The following SNTG1 variants were observed in gnomAD, a reference collection of about 807,000 sequenced individuals.
SNTG1 encodes the protein syntrophin gamma 1.
A neutral mutation model predicts 74.7 loss-of-function variants in SNTG1; 39 were observed. That is an observed-to-expected ratio of 0.52 (90% confidence interval 0.40 to 0.68). The LOEUF (loss-of-function observed/expected upper bound fraction) is 0.68. Among genes scored for constraint, SNTG1 ranks in the 30% least tolerant of loss-of-function variants. SNTG1 has a pLI of 0.00. For missense variants in SNTG1, 685 were observed against 609.5 expected (o/e 1.12, Z -1.30); for synonymous variants, 254 against 217.1 (o/e 1.17, Z -1.49).
chr8:50,724,181 T>G (rs2095494549), intron 17 of SNTG1, among the ~76,000 whole-genome samples: 1 of 152,324 alleles, frequency 6.6e-6, no homozygotes, highest in Admixed American at 6.5e-5. Flanking sequence ...TTTTTATATT[T>G]GATATCAGAA....
chr8:50,444,949 T>C (rs1013754862), intron 5 of SNTG1, among the ~76,000 whole-genome samples: 1 of 152,164 alleles, frequency 6.6e-6, no homozygotes, highest in Non-Finnish European at 1.5e-5. Context: ...TACAATTAAA[T>C]TGTTTTTAGT....
intron 15 of SNTG1, among the ~76,000 whole-genome samples, chr8:50,683,603 A>G (rs1222711142): frequency 1.3e-5 from 2 of 152,202 alleles, no homozygotes; most frequent in African/African-American, 4.8e-5. Flanking sequence ...CAAGATACTA[A>G]TACAGTATAC....
At chr8:50,663,259 C>G (rs529915130) in intron 15 of SNTG1, among the ~76,000 whole-genome samples, 1 of 152,060 alleles carries the variant, frequency 6.6e-6, no homozygotes, top group Non-Finnish European at 1.5e-5. Flanking sequence ...TTGGATGGAA[C>G]AGATCATAGG....
intron 1 of SNTG1, among the ~76,000 whole-genome samples, chr8:50,109,204 C>T (rs529231932): frequency 6.6e-6 from 1 of 152,262 alleles, no homozygotes; most frequent in East Asian, 1.9e-4. Context: ...CTCCCTTGAA[C>T]TTTGACTATC....
At chr8:50,380,564 C>T (rs2092463543) in intron 2 of SNTG1, among the ~76,000 whole-genome samples, 1 of 152,122 alleles carries the variant, frequency 6.6e-6, no homozygotes, top group Non-Finnish European at 1.5e-5. Flanking sequence ...TCATTTAAAT[C>T]CAAAATATTT....
chr8:50,153,476 C>T (rs1241412118), intron 1 of SNTG1, among the ~76,000 whole-genome samples: 1 of 152,164 alleles, frequency 6.6e-6, no homozygotes, highest in African/African-American at 2.4e-5. Context: ...GGGAGAGGTA[C>T]TCTGATTTTT....
chr8:50,033,920 A>G (rs1260089771), intron 1 of SNTG1, among the ~76,000 whole-genome samples: 1 of 152,196 alleles, frequency 6.6e-6, no homozygotes, highest in African/African-American at 2.4e-5. Context: ...TCTTGAACTG[A>G]TTTGTTAAAA....
At chr8:50,023,354 A>G (rs1332332802) in intron 1 of SNTG1, among the ~76,000 whole-genome samples, 2 of 152,160 alleles carry the variant, frequency 1.3e-5, no homozygotes, top group Non-Finnish European at 2.9e-5. Context: ...GGATTTGAAT[A>G]AAGAGGCATG....
chr8:50,669,183 A>C (rs551021625), intron 15 of SNTG1, among the ~76,000 whole-genome samples: 1 of 152,058 alleles, frequency 6.6e-6, no homozygotes, highest in East Asian at 1.9e-4. Context: ...GAAATAACTA[A>C]AATCAGAGCA....
intron 2 of SNTG1, among the ~76,000 whole-genome samples, chr8:50,269,172 C>T (rs1056737644): frequency 6.6e-6 from 1 of 152,020 alleles, no homozygotes. Flanking sequence ...TAAAACTGGG[C>T]TAAGAATTCT....
chr8:50,381,746 A>T (rs1490571912), intron 2 of SNTG1, among the ~76,000 whole-genome samples: 1 of 140,692 alleles, frequency 7.1e-6, no homozygotes, highest in Admixed American at 7.5e-5. Context: ...TTATATATAT[A>T]TAGGATATAT....
chr8:49,959,495 T>G (rs922212164), intron 1 of SNTG1, among the ~76,000 whole-genome samples: 1 of 152,254 alleles, frequency 6.6e-6, no homozygotes, highest in South Asian at 2.1e-4. Flanking sequence ...GCTTTCTGTC[T>G]GTATAGATTT....
intron 2 of SNTG1, among the ~76,000 whole-genome samples, chr8:50,224,594 A>AG (rs1391791670): frequency 1.3e-5 from 2 of 152,172 alleles, no homozygotes; most frequent in African/African-American, 2.4e-5. Flanking sequence ...TAAAATTCTA[A>AG]GCACCCCCCA....
chr8:50,670,010 C>T (rs955688249), intron 15 of SNTG1, among the ~76,000 whole-genome samples: 10 of 152,164 alleles, frequency 6.6e-5, no homozygotes, highest in Admixed American at 3.3e-4. Context: ...GCTAAAAACT[C>T]TCAATAAATT....
chr8:50,381,391 T>C (rs2092476465), intron 2 of SNTG1, among the ~76,000 whole-genome samples: 1 of 151,440 alleles, frequency 6.6e-6, no homozygotes, highest in Admixed American at 6.6e-5. Context: ...GCATTAAAAA[T>C]TTCATATCTG....
intron 17 of SNTG1, among the ~76,000 whole-genome samples, chr8:50,732,335 T>C (rs2095514882): frequency 6.6e-6 from 1 of 151,944 alleles, no homozygotes; most frequent in South Asian, 2.1e-4. Context: ...AGTAGGTTAA[T>C]GTCAAGGCGT....
chr8:50,415,920 A>T lies in SNTG1; in HGVS notation c.162+13576A>T, dbSNP rs532225755. Reference sequence around the variant, plus strand: ...GTTAATGTATCTAGGCATTGAAGAGACTTAATACATGATAACGATGGGTGA... The same window carrying T: ...GTTAATGTATCTAGGCATTGAAGAGTCTTAATACATGATAACGATGGGTGA... On this transcript the variant is annotated intron_variant, in intron 4 of 18. Coordinates refer to ENST00000642720, the MANE Select transcript of SNTG1 (RefSeq NM_018967.5). Among the ~76,000 whole-genome samples the T allele has an allele frequency of 4.1e-4, 63 of 152,276 alleles. 1 individual carries two copies. In the South Asian group the frequency reaches 0.013, roughly 31 times the overall value.
chr8:50,494,152 C>T lies in SNTG1; in HGVS notation c.364-8626C>T, dbSNP rs558183600. On this transcript the variant is annotated intron_variant, in intron 8 of 18. Coordinates refer to ENST00000642720, the MANE Select transcript of SNTG1 (RefSeq NM_018967.5). ...ACACACACACACACATATATATATACACATATATATATGTACACACACACA... is the reference window on the plus strand; with the variant it reads ...ACACACACACACACATATATATATATACATATATATATGTACACACACACA... Among the ~76,000 whole-genome samples the T allele has an allele frequency of 2.6e-3, 400 of 151,082 alleles. 3 individuals carry two copies. The highest frequency in any genetic ancestry group is 9.3e-3 in the African/African-American group (384 of 41,204).
chr8:50,486,199 G>C (rs1587785452), intron 8 of SNTG1, among the ~76,000 whole-genome samples: 1 of 150,856 alleles, frequency 6.6e-6, no homozygotes, highest in East Asian at 2.0e-4. Flanking sequence ...GTCATTGGTA[G>C]CTTGATGGGG....
Sources: gnomAD v4.1 joint callset for allele counts (sites outside exome capture counted in the v4.1 genomes callset) on GRCh38, gnomAD v4.1.1 for gene constraint, MANE v1.5 for transcripts, NCBI Gene and HGNC (gene_info 2026-07-23, HGNC 2026-07-21) for gene names.